The following ANKRD36C variants were observed in gnomAD, a reference collection of about 807,000 sequenced individuals.
The protein encoded by ANKRD36C is ankyrin repeat domain-containing protein 36C.
Under a neutral mutation model 276.4 loss-of-function variants are expected in ANKRD36C, and 61 were observed. The observed-to-expected ratio is 0.22, with a 90% CI of 0.18 to 0.27. The LOEUF (loss-of-function observed/expected upper bound fraction) is 0.27. ANKRD36C is among the 10% of genes least tolerant of loss of function. The pLI is 1.00. For synonymous variants in ANKRD36C, 483 were observed against 680.1 expected (o/e 0.71, Z 4.51); for missense variants, 1,447 against 2,032.3 (o/e 0.71, Z 5.54).
intron 59 of ANKRD36C, among the ~76,000 whole-genome samples, chr2:95,868,344 C>G (rs965971689): frequency 3.3e-5 from 5 of 150,194 alleles, no homozygotes; most frequent in Non-Finnish European, 7.4e-5. Context: ...AGCCACATAC[C>G]TAAAAGGCTT....
chr2:95,911,731 A>G (rs1481623078), intron 42 of ANKRD36C, among the ~76,000 whole-genome samples: 1 of 151,470 alleles, frequency 6.6e-6, no homozygotes, highest in Non-Finnish European at 1.5e-5. Flanking sequence ...ATTCCTCCGC[A>G]GTAACCCCAA....
intron 1 of ANKRD36C, among the ~76,000 whole-genome samples, chr2:95,989,597 T>C (rs570014523): frequency 9.9e-5 from 15 of 152,134 alleles, no homozygotes; most frequent in South Asian, 2.1e-4. Context: ...TCCAAATACA[T>C]TGCTATTTTA....
At position 95,897,195 on chromosome 2, in the gene ANKRD36C, C is replaced by T. The variant is rs541920444; in HGVS notation, c.2755+1950G>A. ...GAATGTGCAGCTTCAACGAGCCCCC[C>T]GCTGATTTATTCACGGAAGAGAATT... is the stretch of plus-strand genomic sequence containing the variant. On this transcript the variant is annotated intron_variant, in intron 44 of 66. Transcript: ENST00000456556. 1.9e-5 allele frequency: 22 copies of T among 1,181,594 alleles called. 1 individual carries two copies. The African/African-American group carries it at 2.5e-4, about 13-fold the overall frequency. The allele number at this position is 1,181,594 out of a possible 1,614,324, so 73.2% of individuals were successfully genotyped here.
exon 1 of ANKRD36C, chr2:95,991,536 A>G (rs1476643421): frequency 6.8e-6 from 11 of 1,609,170 alleles, no homozygotes; most frequent in Admixed American, 1.7e-5. Flanking sequence ...TCTCTTATTG[A>G]TGTCATAACG....
At chr2:95,982,196 C>A in intron 4 of ANKRD36C, 60 bp downstream of exon 4, 1 of 1,318,700 alleles carries the variant, frequency 7.6e-7, no homozygotes, top group Non-Finnish European at 1.0e-6. Context: ...TCAGTGACCG[C>A]TACCACTCTA....
rs1677143554 is a variant in ANKRD36C at position 95,917,746 on chromosome 2, G to A, written c.2347+109C>T. On this transcript the variant is annotated intron_variant, in intron 36 of 66. Transcript: ENST00000456556. ...ACTCTCAGGACTGCTGGATCAGAAT[G>A]TGCAGCTTTGGCGAGCACCCCCAAC... The A allele has an allele frequency of 3.0e-6, 4 of 1,348,284 alleles. No homozygotes were observed. In the African/African-American group the frequency reaches 4.5e-5, roughly 15 times the overall value. The allele number at this position is 1,348,284 out of a possible 1,614,324, so 83.5% of individuals were successfully genotyped here.
At chr2:95,969,637 G>A (rs531510358) in intron 6 of ANKRD36C, among the ~76,000 whole-genome samples, 15 of 152,282 alleles carry the variant, frequency 9.9e-5, no homozygotes, top group Middle Eastern at 3.4e-3. Flanking sequence ...CCAAGATCAC[G>A]TGAAGCAGAT....
intron 44 of ANKRD36C, among the ~76,000 whole-genome samples, 171 bp downstream of exon 60, chr2:95,897,099 G>A (rs1057119744): frequency 4.7e-5 from 7 of 150,280 alleles, no homozygotes; most frequent in East Asian, 3.9e-4. Flanking sequence ...CGAAGATCAC[G>A]TTCCAGACCA....
At chr2:95,921,175 C>T (rs988587461) in intron 34 of ANKRD36C, among the ~76,000 whole-genome samples, 4 of 150,682 alleles carry the variant, frequency 2.7e-5, no homozygotes, top group African/African-American at 9.9e-5. Flanking sequence ...CAGGGATCTC[C>T]TTAGTTCTCA....
At chr2:95,979,326 G>A (rs1678871257) in intron 5 of ANKRD36C, among the ~76,000 whole-genome samples, 1 of 151,906 alleles carries the variant, frequency 6.6e-6, no homozygotes. Flanking sequence ...TCTCCATATT[G>A]TTCCAATTTT....
At chr2:95,983,054 T>A (rs1678951357) in intron 3 of ANKRD36C, among the ~76,000 whole-genome samples, 1 of 151,688 alleles carries the variant, frequency 6.6e-6, no homozygotes, top group Admixed American at 6.6e-5. Flanking sequence ...GGAGGTTTCC[T>A]CTGGGTGACA....
intron 46 of ANKRD36C, 50 bp from the exon 67 acceptor site, chr2:95,890,044 T>A: frequency 1.9e-6 from 3 of 1,581,658 alleles, no homozygotes; most frequent in Non-Finnish European, 2.6e-6. Flanking sequence ...TATGATAAAG[T>A]TATTCATACA....
In ANKRD36C at chr2:95,919,588, T is replaced by C. The variant is rs547013184; in HGVS notation, c.2246-1546A>G. Reference sequence around the variant, plus strand: ...GCATTAGCGTCTCCCAAGAAATTTATTACAAATGAAAAATCTCAGGCCTGC... The same window carrying C: ...GCATTAGCGTCTCCCAAGAAATTTACTACAAATGAAAAATCTCAGGCCTGC... On this transcript the variant is annotated intron_variant, in intron 34 of 66. Transcript: ENST00000456556. 6.6e-4 allele frequency: 268 copies of C among 408,430 alleles called. 42 individuals are homozygous for C. Among genetic ancestry groups the C allele is most frequent in the Admixed American group, 1.4e-3 (18 of 12,752 alleles). 25.3% of individuals were successfully genotyped at this position (408,430 alleles called of 1,614,324 possible).
intron 24 of ANKRD36C, among the ~76,000 whole-genome samples, chr2:95,930,439 A>G (rs1180324458): frequency 6.6e-6 from 1 of 151,666 alleles, no homozygotes; most frequent in Non-Finnish European, 1.5e-5. Flanking sequence ...AATTTAAAAA[A>G]TCATTTTATT....
chr2:95,973,178 C>T (rs1016439644), intron 6 of ANKRD36C, among the ~76,000 whole-genome samples: 5 of 151,932 alleles, frequency 3.3e-5, no homozygotes, highest in African/African-American at 1.2e-4. Flanking sequence ...CTTTGGGAGG[C>T]TGGGGCGGGC....
intron 30 of ANKRD36C, among the ~76,000 whole-genome samples, chr2:95,923,895 C>T (rs941080399): frequency 1.6e-4 from 24 of 151,660 alleles, no homozygotes; most frequent in African/African-American, 4.8e-4. Context: ...CAATGTCAAT[C>T]ATGGTATGAT....
chr2:95,865,445 T>C (rs1418085697), intron 60 of ANKRD36C, among the ~76,000 whole-genome samples: 1 of 152,076 alleles, frequency 6.6e-6, no homozygotes, highest in Non-Finnish European at 1.5e-5. Context: ...ACAATTACTA[T>C]AAATCAATAG....
At chr2:95,896,978 G>A (rs1483965151) in intron 44 of ANKRD36C, among the ~76,000 whole-genome samples, 2 of 147,364 alleles carry the variant, frequency 1.4e-5, no homozygotes, top group Non-Finnish European at 3.0e-5. Context: ...CTGAAAACAA[G>A]CTGGAGAATT....
chr2:95,866,951 C>T (rs1478411776), intron 60 of ANKRD36C, among the ~76,000 whole-genome samples: 2 of 152,088 alleles, frequency 1.3e-5, no homozygotes, highest in Non-Finnish European at 2.9e-5. Flanking sequence ...GAAGGGTATG[C>T]AGTGATGCAG....
Sources: gnomAD v4.1 joint callset for allele counts (sites outside exome capture counted in the v4.1 genomes callset) on GRCh38, gnomAD v4.1.1 for gene constraint, MANE v1.5 for transcripts, NCBI Gene and HGNC (gene_info 2026-07-23, HGNC 2026-07-21) for gene names.